PTPRN2: variants seen among roughly 807,000 people sequenced by gnomAD.
The protein encoded by PTPRN2 is protein tyrosine phosphatase receptor type N2.
Under a neutral mutation model 118.8 loss-of-function variants are expected in PTPRN2, and 74 were observed. That is an observed-to-expected ratio of 0.62 (90% CI 0.52 to 0.76). The LOEUF is 0.76. Among genes scored for constraint, PTPRN2 ranks in the 30% least tolerant of loss-of-function variants. The pLI is 0.00. For synonymous variants in PTPRN2, 641 were observed against 608.0 expected (o/e 1.05, Z -0.80); for missense variants, 1,481 against 1,394.4 (o/e 1.06, Z -0.99).
chr7:158,302,864 A>G lies in PTPRN2; in HGVS notation c.277+13955T>C, dbSNP rs532409694. Among the ~76,000 whole-genome samples the G allele has an allele frequency of 5.3e-5, 8 of 152,328 alleles. No homozygotes were observed. The South Asian group carries it at 8.3e-4, about 16-fold the overall frequency. On this transcript the variant is annotated intron_variant, in intron 3 of 22. Coordinates refer to ENST00000389418, the MANE Select transcript of PTPRN2 (RefSeq NM_002847.5). The stretch of plus-strand genomic sequence containing the variant: ...TCTCACGTGTACTCTTTTATGAGAG[A>G]ACTTGGAACAGTCCAGAGGCTATGT...
rs1440575610 is a variant in PTPRN2, at chr7:157,676,764, G to C, written c.2001+5961C>G. ...AAGGTGTCCTGGGTCCCTTTCCACA[G>C]GGTCCCTTTCCACGGGGTGGGTGAC... On this transcript the variant is annotated intron_variant, in intron 13 of 22. Coordinates refer to ENST00000389418, the MANE Select transcript of PTPRN2 (RefSeq NM_002847.5). The surrounding 1 kb of genome is among the most constrained non-coding windows in gnomAD (Gnocchi z 5.6). Among the ~76,000 whole-genome samples the C allele has an allele frequency of 6.6e-6, 1 of 152,234 alleles. No individual in the cohort carries two copies. The highest frequency in any genetic ancestry group is 1.5e-5 in the Non-Finnish European group (1 of 68,040).
At chr7:157,978,883 G>A (rs1220335017) in intron 11 of PTPRN2, among the ~76,000 whole-genome samples, 1 of 152,016 alleles carries the variant, frequency 6.6e-6, no homozygotes, top group Non-Finnish European at 1.5e-5. Flanking sequence ...GCGCCATGAT[G>A]GGAGAAAGAC....
chr7:158,273,609 C>CAG (rs1798692277), intron 3 of PTPRN2, among the ~76,000 whole-genome samples: 2 of 82,912 alleles, frequency 2.4e-5, no homozygotes, highest in Non-Finnish European at 4.3e-5. Context: ...GAGCCGCAGA[C>CAG]ACGGGGAGCC....
At chr7:157,633,194 G>A (rs2150674339) in intron 14 of PTPRN2, among the ~76,000 whole-genome samples, 1 of 151,120 alleles carries the variant, frequency 6.6e-6, no homozygotes, top group Middle Eastern at 3.4e-3. Context: ...AGGCTGGAGT[G>A]CAGTGGTATG....
Position 158,046,698 on chromosome 7 carries a change from G to T in PTPRN2, c.1723+34600C>A, listed in dbSNP as rs899456810. On this transcript the variant is annotated intron_variant, in intron 11 of 22. Transcript: ENST00000389418. Reference sequence around the variant, plus strand: ...ACCAGGAGAGGATGCCGGGCTGGGTGTCAGAACACAGGGAAAAGCCATCCC... The same window carrying T: ...ACCAGGAGAGGATGCCGGGCTGGGTTTCAGAACACAGGGAAAAGCCATCCC... Among the ~76,000 whole-genome samples the T allele has an allele frequency of 5.3e-5, 8 of 152,182 alleles. No individual in the cohort carries two copies. In the South Asian group the frequency reaches 6.2e-4, roughly 12 times the overall value.
At chr7:157,969,956 G>C (rs563006894) in intron 11 of PTPRN2, among the ~76,000 whole-genome samples, 5 of 152,268 alleles carry the variant, frequency 3.3e-5, no homozygotes, top group African/African-American at 1.2e-4. Flanking sequence ...CGGGATCCCT[G>C]AAGGTGCAGG....
intron 3 of PTPRN2, among the ~76,000 whole-genome samples, chr7:158,262,747 ATATACACACAC>A (rs1398643166): frequency 1.3e-5 from 2 of 150,056 alleles, no homozygotes; most frequent in African/African-American, 4.9e-5. Flanking sequence ...CACACTGCAC[ATATACACACAC>A]TGCACACACA....
chr7:157,771,933 C>G (rs997481193), intron 12 of PTPRN2, among the ~76,000 whole-genome samples: 5 of 130,080 alleles, frequency 3.8e-5, no homozygotes, highest in Admixed American at 2.9e-4. Context: ...GAGACACACA[C>G]AGACACATAC....
chr7:157,769,745 C>T (rs1053495826), intron 12 of PTPRN2, among the ~76,000 whole-genome samples: 6 of 152,206 alleles, frequency 3.9e-5, no homozygotes, highest in East Asian at 1.9e-4. Context: ...TGGCTCAGCG[C>T]GTTCCTGCCT....
chr7:157,615,605 G>A lies in PTPRN2; in HGVS notation c.2344+5757C>T, dbSNP rs774366096. On this transcript the variant is annotated intron_variant, in intron 15 of 22. Coordinates refer to ENST00000389418, the MANE Select transcript of PTPRN2 (RefSeq NM_002847.5). This position sits in a 1 kb window ranked among gnomAD's most constrained non-coding sequence, Gnocchi z 4.3. Reference sequence around the variant, plus strand: ...GTCCCGCGGTGGATCCGCGTCACGGGGGAGGATTGGCTCAGCACTGGTCCT... The same window carrying A: ...GTCCCGCGGTGGATCCGCGTCACGGAGGAGGATTGGCTCAGCACTGGTCCT... 1.1e-5 allele frequency: 5 copies of A among 471,114 alleles called. No individual in the cohort carries two copies. Among genetic ancestry groups the A allele is most frequent in the Non-Finnish European group, 1.8e-5 (4 of 227,084 alleles). 29.2% of individuals were successfully genotyped at this position (471,114 alleles called of 1,614,324 possible). A position where few individuals can be genotyped will look rare whatever the true frequency, so the allele number is the denominator to read the frequency against.
At chr7:158,324,596 C>T (rs1289365507) in intron 2 of PTPRN2, among the ~76,000 whole-genome samples, 2 of 151,818 alleles carry the variant, frequency 1.3e-5, no homozygotes, top group African/African-American at 4.8e-5. Context: ...TGTCTCTCTG[C>T]TTGGGCTCAG....
chr7:157,885,460 A>G (rs1796400161), intron 12 of PTPRN2, among the ~76,000 whole-genome samples: 1 of 152,178 alleles, frequency 6.6e-6, no homozygotes, highest in Non-Finnish European at 1.5e-5. Context: ...GGGCTTTCAG[A>G]AGGAGGGTCC....
chr7:158,460,587 A>C (rs538527939), intron 2 of PTPRN2, among the ~76,000 whole-genome samples: 1 of 151,922 alleles, frequency 6.6e-6, no homozygotes, highest in South Asian at 2.1e-4. Flanking sequence ...GACTCTATCT[A>C]CATGTTCCTG....
chr7:157,781,189 GAA>G (rs1346098808), intron 12 of PTPRN2, among the ~76,000 whole-genome samples: 4 of 152,198 alleles, frequency 2.6e-5, no homozygotes, highest in Non-Finnish European at 5.9e-5. Flanking sequence ...GCCTTTTGAT[GAA>G]AAGTCTGTCC....
In PTPRN2 at chr7:158,517,539, C is replaced by G. The variant is rs994183967; in HGVS notation, c.113-27754G>C. On this transcript the variant is annotated intron_variant, in intron 1 of 22. Transcript: ENST00000389418. This position sits in a 1 kb window ranked among gnomAD's most constrained non-coding sequence, Gnocchi z 5.3. ...CCCCGTTCCACCTCCTCACTGGCCT[C>G]GCTGCCCCTCTGCAATCTCCTCCAA... Among the ~76,000 whole-genome samples, 3 of 152,118 alleles carry G rather than the reference C, an allele frequency of 2.0e-5. No homozygotes were observed. The highest frequency in any genetic ancestry group is 7.2e-5 in the African/African-American group (3 of 41,416).
chr7:158,196,842 T>A (rs1372618229), intron 4 of PTPRN2, among the ~76,000 whole-genome samples: 1 of 152,120 alleles, frequency 6.6e-6, no homozygotes, highest in Non-Finnish European at 1.5e-5. Context: ...GAATTCTATA[T>A]CCCATGAAAA....
intron 11 of PTPRN2, among the ~76,000 whole-genome samples, chr7:158,024,468 A>G (rs1026791374): frequency 1.3e-5 from 2 of 152,214 alleles, no homozygotes; most frequent in Non-Finnish European, 2.9e-5. Context: ...AAATGCCAAA[A>G]TGATTGCCAA....
At chr7:158,481,125 G>T (rs945475647) in intron 2 of PTPRN2, among the ~76,000 whole-genome samples, 12 of 152,250 alleles carry the variant, frequency 7.9e-5, no homozygotes, top group African/African-American at 2.7e-4. Flanking sequence ...CTCTTGTGAG[G>T]AGCTGATGCA....
chr7:158,425,967 C>G lies in PTPRN2; in HGVS notation c.163+63768G>C, dbSNP rs1815717036. Among the ~76,000 whole-genome samples the G allele has an allele frequency of 1.8e-5, 2 of 110,392 alleles. 1 individual carries two copies. Among genetic ancestry groups the G allele is most frequent in the Admixed American group, 1.7e-4 (2 of 11,904 alleles). The allele number at this position is 110,392 out of a possible 152,430, so 72.4% of individuals were successfully genotyped here. On this transcript the variant is annotated intron_variant, in intron 2 of 22. Transcript: ENST00000389418. Reference sequence around the variant, plus strand: ...GCACCGCCGGGAAAGACGCAGAGTCCGAGACCAGCCTAGCTGGGGCCTGCG... The same window carrying G: ...GCACCGCCGGGAAAGACGCAGAGTCGGAGACCAGCCTAGCTGGGGCCTGCG...
Sources: allele counts gnomAD v4.1 joint callset (sites outside exome capture counted in the v4.1 genomes callset), GRCh38; gene constraint gnomAD v4.1.1; non-coding constraint Gnocchi (gnomAD v3.1); transcripts MANE v1.5; gene names NCBI Gene and HGNC (gene_info 2026-07-23, HGNC 2026-07-21).